ROS1: variants seen among roughly 807,000 people sequenced by gnomAD.
ROS1 encodes the protein proto-oncogene tyrosine-protein kinase ROS.
Under a neutral mutation model 273.5 loss-of-function variants are expected in ROS1, and 263 were observed. That is an observed-to-expected ratio of 0.96 (90% CI 0.87 to 1.06). The LOEUF (loss-of-function observed/expected upper bound fraction) is 1.06, where lower values mean the gene tolerates loss of function less well. Ranked by LOEUF, ROS1 falls within the 50% of genes least tolerant of loss-of-function variation. The pLI is 0.00. For missense variants in ROS1, 2,833 were observed against 2,751.1 expected (o/e 1.03, Z -0.67); for synonymous variants, 1,008 against 954.1 (o/e 1.06, Z -1.04).
intron 39 of ROS1, 60 bp downstream of exon 39, chr6:117,317,083 A>T (rs1358703904): frequency 1.3e-6 from 2 of 1,535,234 alleles, no homozygotes; most frequent in East Asian, 2.3e-5. Flanking sequence ...AAAGAAAATT[A>T]ATAGGGAATT....
chr6:117,330,048 C>T (rs1290091463), intron 32 of ROS1, among the ~76,000 whole-genome samples: 1 of 152,176 alleles, frequency 6.6e-6, no homozygotes, highest in African/African-American at 2.4e-5. Context: ...CTGGGACTCC[C>T]AACTGCCTAA....
At position 117,338,478 on chromosome 6, in the gene ROS1, G is replaced by A. The variant is rs181933335; in HGVS notation, c.5062-1138C>T. On this transcript the variant is annotated intron_variant, in intron 31 of 43. Transcript: ENST00000368507. ...ATTTAGCTTAATAGCTTAATGAAACGGGTGCATTGAATCCATAATATTTAC... is the reference window on the plus strand; with the variant it reads ...ATTTAGCTTAATAGCTTAATGAAACAGGTGCATTGAATCCATAATATTTAC... 2.3e-4 allele frequency among the ~76,000 whole-genome samples: 35 copies of A among 151,238 alleles called. 1 individual carries two copies. The highest frequency in any genetic ancestry group is 7.7e-4 in the African/African-American group (32 of 41,354).
intron 13 of ROS1, among the ~76,000 whole-genome samples, chr6:117,388,979 C>T (rs1313358503): frequency 1.3e-5 from 2 of 152,088 alleles, no homozygotes; most frequent in Non-Finnish European, 2.9e-5. Flanking sequence ...GATGGAGATT[C>T]GAGTTCAGAG....
At position 117,362,774 on chromosome 6, in the gene ROS1, G is replaced by T. The variant is rs1779911032; in HGVS notation, c.3195C>A (p.Asn1065Lys). ...KNEVVVEFRWNKPKHENGVLT... is the reference protein window; with the variant it reads ...KNEVVVEFRWKKPKHENGVLT... Reference sequence around the variant, plus strand: ...ACACCCCATTTTCATGCTTAGGTTTGTTCCACCTAAATTCCACCACAACTT... The same window carrying T: ...ACACCCCATTTTCATGCTTAGGTTTTTTCCACCTAAATTCCACCACAACTT... The change falls in exon 22 of 44, where the codon AAC becomes AAA. Residue 1065 changes from asparagine to lysine, a missense_variant. Asn to Lys is a moderately conservative substitution (Grantham distance 94). Coordinates refer to ENST00000368507, the MANE Select transcript of ROS1 (RefSeq NM_001378902.1). The T allele has an allele frequency of 6.2e-7, 1 of 1,613,524 alleles. No individual in the cohort carries two copies. The highest frequency in any genetic ancestry group is 8.5e-7 in the Non-Finnish European group (1 of 1,179,596).
intron 14 of ROS1, 56 bp from the exon 15 acceptor site, chr6:117,387,055 G>T: frequency 1.1e-6 from 1 of 942,100 alleles, no homozygotes; most frequent in Non-Finnish European, 1.7e-6. Context: ...CTCTTTAAAG[G>T]TATCTTATAT....
chr6:117,344,714 T>C (rs1356677690), intron 27 of ROS1, among the ~76,000 whole-genome samples: 9 of 152,176 alleles, frequency 5.9e-5, no homozygotes, highest in African/African-American at 2.2e-4. Context: ...GGCAGCCATC[T>C]TGTGAGAATT....
At chr6:117,404,516 AT>A in intron 5 of ROS1, 88 bp from the exon 6 acceptor site, 1 of 1,218,160 alleles carries the variant, frequency 8.2e-7, no homozygotes, top group Non-Finnish European at 1.1e-6. Flanking sequence ...GGCTCTCCGT[AT>A]TCTCTTGCTA....
At chr6:117,303,945 C>A (rs1207208437) in intron 42 of ROS1, among the ~76,000 whole-genome samples, 1 of 152,086 alleles carries the variant, frequency 6.6e-6, no homozygotes, top group African/African-American at 2.4e-5. Flanking sequence ...TATAATATGG[C>A]ATACAAACTC....
chr6:117,309,005 T>A (rs1775329905), intron 41 of ROS1, 77 bp from the exon 42 acceptor site: 1 of 1,434,092 alleles, frequency 7.0e-7, no homozygotes, highest in African/African-American at 1.4e-5. Context: ...CAACAACATT[T>A]TTCCTGGGGC....
At chr6:117,330,214 G>C (rs568108283) in intron 32 of ROS1, among the ~76,000 whole-genome samples, 16 of 152,374 alleles carry the variant, frequency 1.1e-4, no homozygotes, top group Admixed American at 8.5e-4. Context: ...TCAGCGGCCA[G>C]AGTGCCTCTT....
intron 43 of ROS1, among the ~76,000 whole-genome samples, chr6:117,289,708 T>C (rs1773692567): frequency 6.6e-6 from 1 of 152,216 alleles, no homozygotes; most frequent in South Asian, 2.1e-4. Context: ...AACATCATTA[T>C]AGCATATTTC....
chr6:117,365,576 C>T lies in ROS1; in HGVS notation c.2958+5G>A, dbSNP rs1466724277. 6.2e-7 allele frequency: 1 copy of T among 1,611,682 alleles called. No individual in the cohort carries two copies. Among genetic ancestry groups the T allele is most frequent in the South Asian group, 1.1e-5 (1 of 91,026 alleles). ...AAATGAAAGTTACTAGAACCAACACCATACCTTAGAATGAGCACTAAATTC... is the reference window on the plus strand; with the variant it reads ...AAATGAAAGTTACTAGAACCAACACTATACCTTAGAATGAGCACTAAATTC... On this transcript the variant is annotated splice_donor_5th_base_variant and intron_variant, in intron 20 of 43. Coordinates refer to ENST00000368507, the MANE Select transcript of ROS1 (RefSeq NM_001378902.1).
At chr6:117,338,256 C>G (rs1777621962) in intron 31 of ROS1, among the ~76,000 whole-genome samples, 1 of 151,950 alleles carries the variant, frequency 6.6e-6, no homozygotes, top group South Asian at 2.1e-4. Flanking sequence ...CACATCATTT[C>G]ATTAAATGGA....
At chr6:117,324,232 A>C (rs1020560843) in intron 35 of ROS1, 100 bp downstream of exon 35, 7 of 674,292 alleles carry the variant, frequency 1.0e-5, no homozygotes, top group Non-Finnish European at 1.8e-5. Context: ...TTAATCAGGC[A>C]ATATTTCATG....
rs1172596225 is a variant in ROS1 at position 117,337,318 on chromosome 6, T to C, written c.5084A>G (p.His1695Arg). The C allele has an allele frequency of 3.7e-6, 6 of 1,602,880 alleles. No individual in the cohort carries two copies. The highest frequency in any genetic ancestry group is 5.1e-6 in the Non-Finnish European group (6 of 1,176,462). ...LQKWKYNEFY[H>R]VKTSCSQGPA... The stretch of plus-strand genomic sequence containing the variant: ...ACCTTGGCTGCATGAAGTTTTAACA[T>C]GGTAAAACTCATTGTATTTCCACTA... The change falls in exon 32 of 44, where the codon CAT becomes CGT. Residue 1695 changes from histidine (H) to arginine (R), a missense_variant. His to Arg is a conservative substitution (Grantham distance 29). Transcript: ENST00000368507.
chr6:117,407,924 C>T (rs1481577433), intron 5 of ROS1, among the ~76,000 whole-genome samples: 2 of 152,128 alleles, frequency 1.3e-5, no homozygotes, highest in Non-Finnish European at 2.9e-5. Flanking sequence ...TCTACAACTA[C>T]CTGATCTTTG....
Position 117,389,400 on chromosome 6 carries a change from G to C in ROS1, c.1736C>G (p.Ser579Cys). Residue 579 changes from serine (S) to cysteine (C), a missense_variant, in exon 13 of 44, where the codon TCT (serine) becomes TGT (cysteine). Physicochemically the swap from Ser to Cys is moderately radical, Grantham distance 112. Coordinates refer to ENST00000368507, the MANE Select transcript of ROS1 (RefSeq NM_001378902.1). ...CTTCCATTGAACAAGAGCCTGGTGA[G>C]AGCCAAACAGCACCGAAAGCTCCTG... ...RPQELSVLFG[S>C]HQALVQWKPP... 1 of 1,614,186 alleles carries C rather than the reference G, an allele frequency of 6.2e-7. No individual in the cohort carries two copies.
At chr6:117,317,326 C>A (rs897122077) in intron 38 of ROS1, 54 bp from the exon 39 acceptor site, 69 of 1,574,714 alleles carry the variant, frequency 4.4e-5, no homozygotes, top group Admixed American at 3.9e-4. Context: ...GGAGTCCTAG[C>A]CGAGGGTCTT....
At position 117,341,548 on chromosome 6, in the gene ROS1, T is replaced by C; in HGVS notation, c.4736A>G (p.Asn1579Ser). ...IISWRESHKP[N>S]GPKESVRYQL... ...ATAACGGACTGATTCTTTAGGTCCA[T>C]TTGGCTTGTGAGATTCTCTCCAAGA... Residue 1579 changes from asparagine to serine, a missense_variant, in exon 30 of 44, where the codon AAT (asparagine) becomes AGT (serine). By Grantham distance (46) the Asn-to-Ser change is conservative. Transcript: ENST00000368507. 1 of 1,613,820 alleles carries C rather than the reference T, an allele frequency of 6.2e-7. No individual in the cohort carries two copies. Among genetic ancestry groups the C allele is most frequent in the Non-Finnish European group, 8.5e-7 (1 of 1,179,794 alleles).
Sources: allele counts gnomAD v4.1 joint callset (sites outside exome capture counted in the v4.1 genomes callset), GRCh38; gene constraint gnomAD v4.1.1; transcripts MANE v1.5; gene names NCBI Gene and HGNC (gene_info 2026-07-23, HGNC 2026-07-21).